The following HHAT variants were observed in gnomAD, a reference collection of about 807,000 sequenced individuals.
HHAT encodes protein-cysteine N-palmitoyltransferase HHAT.
Under a neutral mutation model 70.8 loss-of-function variants are expected in HHAT, and 47 were observed. The observed-to-expected ratio is 0.66, with a 90% CI of 0.53 to 0.85. HHAT has a LOEUF of 0.85. HHAT is among the 40% of genes least tolerant of loss of function. The pLI is 0.00. For missense variants in HHAT, 609 were observed against 604.8 expected (o/e 1.01, Z -0.07); for synonymous variants, 228 against 247.6 (o/e 0.92, Z 0.74).
intron 11 of HHAT, among the ~76,000 whole-genome samples, chr1:210,661,614 C>A (rs753033820): frequency 1.3e-5 from 2 of 152,124 alleles, no homozygotes; most frequent in Non-Finnish European, 2.9e-5. Context: ...ATGTTTATTG[C>A]GGAACTATTC....
chr1:210,651,803 A>T (rs1301025261), intron 11 of HHAT, among the ~76,000 whole-genome samples: 1 of 152,262 alleles, frequency 6.6e-6, no homozygotes, highest in East Asian at 1.9e-4. Flanking sequence ...AGAGAGGATC[A>T]TGGAAAACCT....
intron 11 of HHAT, among the ~76,000 whole-genome samples, chr1:210,650,936 A>G (rs978558701): frequency 1.3e-5 from 2 of 152,328 alleles, no homozygotes; most frequent in Admixed American, 6.5e-5. Flanking sequence ...TTAGTAAGGG[A>G]AAGAGAAGAC....
intron 9 of HHAT, among the ~76,000 whole-genome samples, chr1:210,529,940 C>T (rs954514599): frequency 1.3e-5 from 2 of 152,152 alleles, no homozygotes; most frequent in Non-Finnish European, 2.9e-5. Context: ...CAACTAAAAA[C>T]TAAGTTATGT....
chr1:210,471,033 G>A (rs1021977159), intron 8 of HHAT, among the ~76,000 whole-genome samples: 5 of 152,136 alleles, frequency 3.3e-5, no homozygotes, highest in African/African-American at 9.7e-5. Flanking sequence ...TGTAACCGTA[G>A]CACCCTCCTC....
chr1:210,404,080 T>A (rs1315994431), intron 5 of HHAT, among the ~76,000 whole-genome samples: 66 of 152,304 alleles, frequency 4.3e-4, no homozygotes, highest in Middle Eastern at 3.4e-3. Context: ...CCCCTCTTTG[T>A]TATCTGAATT....
intron 9 of HHAT, among the ~76,000 whole-genome samples, chr1:210,535,591 A>G (rs1244857922): frequency 6.6e-6 from 1 of 152,006 alleles, no homozygotes; most frequent in Admixed American, 6.6e-5. Context: ...AGCTCTGTTC[A>G]CACATCAGAT....
chr1:210,395,869 A>G (rs1203804933), intron 4 of HHAT, among the ~76,000 whole-genome samples: 1 of 152,154 alleles, frequency 6.6e-6, no homozygotes, highest in Non-Finnish European at 1.5e-5. Flanking sequence ...CCATGCAACT[A>G]TTCTCTCCAT....
intron 11 of HHAT, among the ~76,000 whole-genome samples, chr1:210,654,741 G>A (rs1255515570): frequency 6.6e-6 from 1 of 152,236 alleles, no homozygotes; most frequent in Non-Finnish European, 1.5e-5. Context: ...CCCATGGAAT[G>A]AGTACAGTGC....
At chr1:210,635,025 G>A (rs557936174) in intron 11 of HHAT, among the ~76,000 whole-genome samples, 3 of 152,334 alleles carry the variant, frequency 2.0e-5, no homozygotes, top group Admixed American at 6.5e-5. Flanking sequence ...GGACAAAAAG[G>A]TGAATGGCTC....
chr1:210,655,822 C>T (rs1249977980), intron 11 of HHAT, among the ~76,000 whole-genome samples: 2 of 152,222 alleles, frequency 1.3e-5, no homozygotes, highest in Non-Finnish European at 2.9e-5. Context: ...CCTCTCCCTG[C>T]TTCTGCAGTG....
intron 7 of HHAT, among the ~76,000 whole-genome samples, chr1:210,434,330 C>T (rs2093325507): frequency 6.6e-6 from 1 of 151,758 alleles, no homozygotes; most frequent in South Asian, 2.1e-4. Flanking sequence ...TAACTAAAAG[C>T]AATCAGAAAC....
At chr1:210,506,895 T>C (rs897955522) in intron 8 of HHAT, among the ~76,000 whole-genome samples, 14 of 152,158 alleles carry the variant, frequency 9.2e-5, no homozygotes, top group African/African-American at 2.9e-4. Flanking sequence ...TTTTGGTCTG[T>C]TGTGGGAGAG....
intron 10 of HHAT, among the ~76,000 whole-genome samples, chr1:210,600,808 G>A (rs1240673303): frequency 6.6e-6 from 1 of 151,956 alleles, no homozygotes; most frequent in African/African-American, 2.4e-5. Context: ...TTGAAGGAAG[G>A]CTCCTTCAGG....
At chr1:210,617,514 G>C (rs1411788561) in intron 10 of HHAT, among the ~76,000 whole-genome samples, 1 of 152,186 alleles carries the variant, frequency 6.6e-6, no homozygotes, top group Non-Finnish European at 1.5e-5. Flanking sequence ...CTCAGGGTGA[G>C]GCGGTACTAT....
In HHAT at chr1:210,362,924, A is replaced by C. The variant is rs149074859; in HGVS notation, c.159+5A>C. 165 of 1,597,318 alleles carry C rather than the reference A, an allele frequency of 1.0e-4. No individual in the cohort carries two copies. In the African/African-American group the frequency reaches 2.0e-3, roughly 19 times the overall value. On this transcript the variant is annotated splice_donor_5th_base_variant and intron_variant, in intron 3 of 11. Transcript: ENST00000261458. ...TTATTTGGAGGATTAAAGAAGGTACAAAGTGGATGCATAATAAATCTCAGT... is the reference window on the plus strand; with the variant it reads ...TTATTTGGAGGATTAAAGAAGGTACCAAGTGGATGCATAATAAATCTCAGT...
intron 8 of HHAT, among the ~76,000 whole-genome samples, chr1:210,494,010 C>T (rs76685373): frequency 0.012 from 1,881 of 152,222 alleles, 41 homozygotes; most frequent in African/African-American, 0.043. Flanking sequence ...TTCTTTTGTT[C>T]TTCTATTGAA....
At chr1:210,667,664 A>G (rs1365077168) in intron 11 of HHAT, among the ~76,000 whole-genome samples, 2 of 152,108 alleles carry the variant, frequency 1.3e-5, no homozygotes, top group Non-Finnish European at 2.9e-5. Flanking sequence ...TCATCATCCC[A>G]AAAGATTCCT....
rs947603810 is a variant in HHAT, at chr1:210,464,427, G to T, written c.857-78G>T. The T allele has an allele frequency of 3.4e-6, 5 of 1,452,598 alleles. No individual in the cohort carries two copies. The African/African-American group carries it at 5.6e-5, about 16-fold the overall frequency. The allele number at this position is 1,452,598 out of a possible 1,614,324, so 90.0% of individuals were successfully genotyped here. A position where few individuals can be genotyped will look rare whatever the true frequency, so the allele number is the denominator to read the frequency against. The stretch of plus-strand genomic sequence containing the variant: ...GGGGAGAAGCGGGGCAGTTGGCATA[G>T]CTCCTGGGGTGTTGGTCTCCTCCAG... On this transcript the variant is annotated intron_variant, in intron 7 of 11. Transcript: ENST00000261458.
chr1:210,613,895 C>T (rs1231741362), intron 10 of HHAT, among the ~76,000 whole-genome samples: 1 of 151,912 alleles, frequency 6.6e-6, no homozygotes, highest in African/African-American at 2.4e-5. Flanking sequence ...TTAGCCACAC[C>T]TGTGGTCCCA....
Sources: allele counts gnomAD v4.1 joint callset (sites outside exome capture counted in the v4.1 genomes callset), GRCh38; gene constraint gnomAD v4.1.1; transcripts MANE v1.5; gene names NCBI Gene and HGNC (gene_info 2026-07-23, HGNC 2026-07-21).